CWF19L1: variants seen among roughly 807,000 people sequenced by gnomAD.
The protein encoded by CWF19L1 is CWF19 like cell cycle control factor 1.
A neutral mutation model predicts 69.7 loss-of-function variants in CWF19L1; 60 were observed. That is an observed-to-expected ratio of 0.86 (90% confidence interval 0.70 to 1.07). The LOEUF is 1.07. Ranked by LOEUF, CWF19L1 falls within the 50% of genes least tolerant of loss-of-function variation. The probability of loss-of-function intolerance (pLI) is 0.00; values close to 1 mark genes in which losing one functional copy is unlikely to be tolerated. For missense variants in CWF19L1, 591 were observed against 638.9 expected (o/e 0.92, Z 0.81); for synonymous variants, 209 against 222.2 (o/e 0.94, Z 0.53).
intron 10 of CWF19L1, among the ~76,000 whole-genome samples, chr10:100,240,148 T>G (rs1846592600): frequency 6.6e-6 from 1 of 152,190 alleles, no homozygotes; most frequent in Admixed American, 6.5e-5. Flanking sequence ...TGTTCTATAC[T>G]AGAATTATCT....
chr10:100,248,519 G>GA, intron 7 of CWF19L1: 1 of 693,200 alleles, frequency 1.4e-6, no homozygotes, highest in Non-Finnish European at 2.6e-6. Flanking sequence ...AAGATTTACA[G>GA]AATGTCAACA....
At chr10:100,233,392 A>C in intron 13 of CWF19L1, 21 bp from the exon 14 acceptor site, 1 of 1,604,816 alleles carries the variant, frequency 6.2e-7, no homozygotes, top group Non-Finnish European at 8.5e-7. Context: ...AGCACAAAGA[A>C]GTCAAAATGG....
intron 1 of CWF19L1, among the ~76,000 whole-genome samples, chr10:100,265,056 G>A (rs1847526395): frequency 6.6e-6 from 1 of 151,834 alleles, no homozygotes; most frequent in South Asian, 2.1e-4. Context: ...AGGAGGTTGA[G>A]GTTGCAGTGA....
chr10:100,250,109 C>T (rs1846972741), intron 7 of CWF19L1, 139 bp downstream of exon 7: 4 of 683,272 alleles, frequency 5.9e-6, no homozygotes, highest in Admixed American at 5.0e-5. Context: ...CATTACCATA[C>T]CTTTACAAAG....
chr10:100,253,578 G>T (rs367814589), intron 5 of CWF19L1, 39 bp from the exon 6 acceptor site: 2 of 1,135,954 alleles, frequency 1.8e-6, no homozygotes, highest in Admixed American at 3.9e-5. Flanking sequence ...CAGACCAAAA[G>T]TTATCAAGAA....
chr10:100,238,689 A>G (rs1244667304), intron 10 of CWF19L1, among the ~76,000 whole-genome samples: 1 of 152,132 alleles, frequency 6.6e-6, no homozygotes, highest in South Asian at 2.1e-4. Flanking sequence ...CAAAACTTTG[A>G]GAGGCCGAGG....
intron 7 of CWF19L1, chr10:100,248,606 G>T: frequency 1.3e-6 from 1 of 741,256 alleles, no homozygotes; most frequent in Non-Finnish European, 2.5e-6. Flanking sequence ...TATGATAAGC[G>T]TGTGCTGCTG....
chr10:100,238,005 A>G lies in CWF19L1; in HGVS notation c.1254+17T>C, dbSNP rs1846504001. The G allele has an allele frequency of 1.2e-6, 2 of 1,612,238 alleles. No individual in the cohort carries two copies. Among genetic ancestry groups the G allele is most frequent in the African/African-American group, 1.3e-5 (1 of 74,870 alleles). Reference sequence around the variant, plus strand: ...CCCCATAGCGCCCTTCCAAGTTTCTATGAACAGACCACCTACCTGTAGCTG... The same window carrying G: ...CCCCATAGCGCCCTTCCAAGTTTCTGTGAACAGACCACCTACCTGTAGCTG... On this transcript the variant is annotated intron_variant, in intron 11 of 13. Transcript: ENST00000354105.
chr10:100,244,442 G>T (rs1383200731), intron 9 of CWF19L1, among the ~76,000 whole-genome samples: 1 of 152,110 alleles, frequency 6.6e-6, no homozygotes, highest in East Asian at 1.9e-4. Context: ...TGCAAGCTCC[G>T]CCTCCCAGGT....
Position 100,232,802 on chromosome 10 carries a change from CAA to C in CWF19L1, c.*423_*424del, listed in dbSNP as rs1201595589. 1 of 152,658 alleles carries C rather than the reference CAA, an allele frequency of 6.6e-6. No homozygotes were observed. Among genetic ancestry groups the C allele is most frequent in the African/African-American group, 2.4e-5 (1 of 41,448 alleles). 9.5% of individuals were successfully genotyped at this position (152,658 alleles called of 1,614,324 possible). ...TGTAGGCAAGTTCCATGGGACTGCACAAAAGAGGCAGGGAAACAGTCCCCATG... is the reference window on the plus strand; with the variant it reads ...TGTAGGCAAGTTCCATGGGACTGCACAAGAGGCAGGGAAACAGTCCCCATG... On this transcript the variant is annotated 3_prime_UTR_variant, in exon 14 of 14. Coordinates refer to ENST00000354105, the MANE Select transcript of CWF19L1 (RefSeq NM_018294.6).
intron 7 of CWF19L1, among the ~76,000 whole-genome samples, chr10:100,249,510 T>C (rs989927840): frequency 6.6e-6 from 1 of 152,180 alleles, no homozygotes; most frequent in African/African-American, 2.4e-5. Flanking sequence ...AATACAAAGA[T>C]AGATTCCAGG....
chr10:100,256,321 C>T lies in CWF19L1; in HGVS notation c.445G>A (p.Val149Ile). ...MLCTTSQFKG[V>I]DILLTSPWPK... Reference sequence around the variant, plus strand: ...CATGGGGATGTGAGCAAGATATCAACACCCTTAAACTGGGAGGTTGTACAC... The same window carrying T: ...CATGGGGATGTGAGCAAGATATCAATACCCTTAAACTGGGAGGTTGTACAC... The change falls in exon 5 of 14, where the codon GTT becomes ATT. Residue 149 changes from valine (V) to isoleucine (I), a missense_variant. Transcript: ENST00000354105. 1 of 1,614,152 alleles carries T rather than the reference C, an allele frequency of 6.2e-7. No homozygotes were observed. The highest frequency in any genetic ancestry group is 8.5e-7 in the Non-Finnish European group (1 of 1,180,020).
At chr10:100,252,252 G>T (rs548061526) in intron 6 of CWF19L1, among the ~76,000 whole-genome samples, 1 of 151,990 alleles carries the variant, frequency 6.6e-6, no homozygotes, top group South Asian at 2.1e-4. Context: ...TGGCTAACAC[G>T]GTGAAACCCT....
intron 13 of CWF19L1, 67 bp downstream of exon 13, chr10:100,235,600 C>T: frequency 4.5e-6 from 5 of 1,121,348 alleles, no homozygotes; most frequent in Non-Finnish European, 6.6e-6. Flanking sequence ...ATCAATTGTC[C>T]CATGTAGCCC....
At position 100,245,451 on chromosome 10, in the gene CWF19L1, TAC is replaced by T. The variant is rs373695512; in HGVS notation, c.964+346_964+347del. Among the ~76,000 whole-genome samples, 20 of 152,286 alleles carry T rather than the reference TAC, an allele frequency of 1.3e-4. No individual in the cohort carries two copies. In the South Asian group the frequency reaches 4.1e-3, roughly 32 times the overall value. On this transcript the variant is annotated intron_variant, in intron 9 of 13. Coordinates refer to ENST00000354105, the MANE Select transcript of CWF19L1 (RefSeq NM_018294.6). ...CACTCTCAAGTAGATGGGCTAAAAATACAGAGTCCAAGAAGTATATAAAAGCA... is the reference window on the plus strand; with the variant it reads ...CACTCTCAAGTAGATGGGCTAAAAATAGAGTCCAAGAAGTATATAAAAGCA...
At chr10:100,233,534 C>T in intron 13 of CWF19L1, 163 bp from the exon 14 acceptor site, 2 of 582,808 alleles carry the variant, frequency 3.4e-6, no homozygotes. Flanking sequence ...AAATGACCAG[C>T]TCAGGTACTA....
intron 4 of CWF19L1, among the ~76,000 whole-genome samples, chr10:100,257,796 C>A (rs1373725798): frequency 1.3e-5 from 2 of 152,060 alleles, no homozygotes; most frequent in Non-Finnish European, 2.9e-5. Flanking sequence ...TGAAGATATA[C>A]CATCCCCACC....
chr10:100,257,293 T>TA (rs1847245002), intron 4 of CWF19L1, among the ~76,000 whole-genome samples: 1 of 111,548 alleles, frequency 9.0e-6, no homozygotes, highest in South Asian at 2.8e-4. Context: ...TTACCTTTTT[T>TA]TTTTTTTTTT....
At chr10:100,266,324 T>C (rs556265573) in intron 1 of CWF19L1, among the ~76,000 whole-genome samples, 49 of 150,856 alleles carry the variant, frequency 3.2e-4, no homozygotes, top group African/African-American at 1.2e-3. Flanking sequence ...CCCAATTAGC[T>C]GGGACCACCA....
Sources: allele counts gnomAD v4.1 joint callset (sites outside exome capture counted in the v4.1 genomes callset), GRCh38; gene constraint gnomAD v4.1.1; transcripts MANE v1.5; gene names NCBI Gene and HGNC (gene_info 2026-07-23, HGNC 2026-07-21).